The following MAPK4 variants were observed in gnomAD, a reference collection of about 807,000 sequenced individuals.
The protein encoded by MAPK4 is Erk3-related.
Under a neutral mutation model 47.7 loss-of-function variants are expected in MAPK4, and 22 were observed. That is an observed-to-expected ratio of 0.46 (90% CI 0.33 to 0.66). MAPK4 has a LOEUF of 0.66. MAPK4 is among the 30% of genes least tolerant of loss of function. The pLI, the probability that MAPK4 is intolerant of heterozygous loss-of-function variation, is 0.02. For missense variants in MAPK4, 736 were observed against 831.7 expected (o/e 0.88, Z 1.42); for synonymous variants, 390 against 365.7 (o/e 1.07, Z -0.76).
intron 1 of MAPK4, among the ~76,000 whole-genome samples, chr18:50,598,710 C>A (rs2149370963): frequency 6.6e-6 from 1 of 152,242 alleles, no homozygotes; most frequent in Non-Finnish European, 1.5e-5. Flanking sequence ...GGATTCAGTC[C>A]AGAGTTTAGC....
chr18:50,665,370 G>A (rs1907539803), intron 2 of MAPK4, among the ~76,000 whole-genome samples: 1 of 152,216 alleles, frequency 6.6e-6, no homozygotes, highest in African/African-American at 2.4e-5. Context: ...ATGTTGCCAT[G>A]TACCCTGCAA....
chr18:50,564,787 C>A (rs2042184548), intron 1 of MAPK4, among the ~76,000 whole-genome samples: 1 of 152,132 alleles, frequency 6.6e-6, no homozygotes, highest in Non-Finnish European at 1.5e-5. Flanking sequence ...CCGCCATTAC[C>A]CACAAGATCA....
chr18:50,643,232 G>A (rs1202497765), intron 1 of MAPK4, among the ~76,000 whole-genome samples: 1 of 152,206 alleles, frequency 6.6e-6, no homozygotes, highest in Non-Finnish European at 1.5e-5. Flanking sequence ...ACAATTCCCA[G>A]CCAGGCACAG....
chr18:50,581,377 T>C (rs2042342868), intron 1 of MAPK4, among the ~76,000 whole-genome samples: 1 of 152,128 alleles, frequency 6.6e-6, no homozygotes, highest in Non-Finnish European at 1.5e-5. Context: ...GAGGCGTTGG[T>C]TCCTCTCTGC....
chr18:50,599,555 G>A (rs1330173131), intron 1 of MAPK4, among the ~76,000 whole-genome samples: 4 of 152,092 alleles, frequency 2.6e-5, no homozygotes, highest in Admixed American at 2.6e-4. Context: ...ATAGCTGGGA[G>A]TAAAGGCATG....
intron 2 of MAPK4, among the ~76,000 whole-genome samples, chr18:50,682,534 T>C (rs1387143815): frequency 6.6e-6 from 1 of 152,098 alleles, no homozygotes; most frequent in Non-Finnish European, 1.5e-5. Flanking sequence ...ATGCAAAAAT[T>C]CTAAACAAAA....
At chr18:50,700,857 C>T (rs1469032216) in intron 2 of MAPK4, among the ~76,000 whole-genome samples, 1 of 152,130 alleles carries the variant, frequency 6.6e-6, no homozygotes, top group Non-Finnish European at 1.5e-5. Flanking sequence ...GGTTTTGGCC[C>T]TTGGTAAAGG....
chr18:50,689,027 G>A (rs1341280302), intron 2 of MAPK4, among the ~76,000 whole-genome samples: 2 of 151,824 alleles, frequency 1.3e-5, no homozygotes, highest in African/African-American at 2.4e-5. Flanking sequence ...GGGAGGCTGA[G>A]GCGGGCGGAT....
At position 50,729,911 on chromosome 18, in the gene MAPK4, G is replaced by A; in HGVS notation, c.*57G>A. The A allele has an allele frequency of 6.8e-7, 1 of 1,475,554 alleles. No homozygotes were observed. The highest frequency in any genetic ancestry group is 9.0e-7 in the Non-Finnish European group (1 of 1,105,680). The allele number at this position is 1,475,554 out of a possible 1,614,324, so 91.4% of individuals were successfully genotyped here. A position where few individuals can be genotyped will look rare whatever the true frequency, so the allele number is the denominator to read the frequency against. ...CAGGAGACCCCCAGAGAAAGCCGGG[G>A]CTGGCAGGAGGCGGCCGCCCTTCCC... On this transcript the variant is annotated 3_prime_UTR_variant, in exon 6 of 6. Transcript: ENST00000400384.
intron 1 of MAPK4, among the ~76,000 whole-genome samples, chr18:50,660,139 G>A (rs1373430100): frequency 6.6e-6 from 1 of 152,188 alleles, no homozygotes; most frequent in African/African-American, 2.4e-5. Context: ...AATTACAGAG[G>A]AATTGGAAAG....
chr18:50,631,076 C>T (rs532394874), intron 1 of MAPK4, among the ~76,000 whole-genome samples: 4 of 152,332 alleles, frequency 2.6e-5, no homozygotes, highest in South Asian at 4.1e-4. Flanking sequence ...AAATTTGACT[C>T]GCCTGACATG....
At chr18:50,708,657 GTGC>G (rs1449627332) in intron 2 of MAPK4, among the ~76,000 whole-genome samples, 1 of 152,176 alleles carries the variant, frequency 6.6e-6, no homozygotes, top group Non-Finnish European at 1.5e-5. Flanking sequence ...TGTCTGTTCT[GTGC>G]TTGGACCCTC....
chr18:50,687,803 A>C (rs16952406), intron 2 of MAPK4, among the ~76,000 whole-genome samples: 2,268 of 152,198 alleles, frequency 0.015, 52 homozygotes, highest in African/African-American at 0.052. Context: ...TGTGGTCTCG[A>C]GGGCCCTGTG....
At chr18:50,630,267 C>CA (rs1255374764) in intron 1 of MAPK4, among the ~76,000 whole-genome samples, 3 of 152,222 alleles carry the variant, frequency 2.0e-5, no homozygotes, top group African/African-American at 7.2e-5. Context: ...CTGCTCACTG[C>CA]AACCTCCGCC....
In MAPK4 at chr18:50,726,093, C is replaced by A; in HGVS notation, c.985C>A (p.Arg329Ser). 6.2e-7 allele frequency: 1 copy of A among 1,614,168 alleles called. No individual in the cohort carries two copies. The highest frequency in any genetic ancestry group is 8.5e-7 in the Non-Finnish European group (1 of 1,180,034). Residue 329 changes from arginine (R) to serine (S), a missense_variant, in exon 5 of 6, where the codon CGC (arginine) becomes AGC (serine). By Grantham distance (110) the Arg-to-Ser change is moderately radical (BLOSUM62 -1). Coordinates refer to ENST00000400384, the MANE Select transcript of MAPK4 (RefSeq NM_002747.4). ...EDEPTSQHPF[R>S]IEDEIDDIVL... is the part of the protein sequence containing the mutation. ...CGAGCCCACCTCACAACACCCCTTCCGCATTGAGGATGAGATCGACGACAT... is the reference window on the plus strand; with the variant it reads ...CGAGCCCACCTCACAACACCCCTTCAGCATTGAGGATGAGATCGACGACAT...
chr18:50,592,993 T>A (rs2042451273), intron 1 of MAPK4, among the ~76,000 whole-genome samples: 1 of 152,156 alleles, frequency 6.6e-6, no homozygotes, highest in Admixed American at 6.5e-5. Context: ...AATCACTAAG[T>A]CATTCGTCCC....
intron 1 of MAPK4, among the ~76,000 whole-genome samples, chr18:50,634,058 C>T (rs1018460622): frequency 2.6e-5 from 4 of 152,100 alleles, no homozygotes; most frequent in African/African-American, 9.7e-5. Flanking sequence ...TTTTTTCCAG[C>T]TCCCTGTGGT....
intron 1 of MAPK4, among the ~76,000 whole-genome samples, chr18:50,632,843 C>T (rs964189487): frequency 5.3e-5 from 8 of 152,166 alleles, no homozygotes; most frequent in Admixed American, 2.0e-4. Context: ...TGGTCTCAAA[C>T]TCCTGACCTC....
intron 1 of MAPK4, among the ~76,000 whole-genome samples, chr18:50,592,984 A>G (rs908027432): frequency 6.6e-6 from 1 of 152,168 alleles, no homozygotes; most frequent in African/African-American, 2.4e-5. Flanking sequence ...GTCCTTTACA[A>G]TCACTAAGTC....
Sources: allele counts gnomAD v4.1 joint callset (sites outside exome capture counted in the v4.1 genomes callset), GRCh38; gene constraint gnomAD v4.1.1; transcripts MANE v1.5; gene names NCBI Gene and HGNC (gene_info 2026-07-23, HGNC 2026-07-21).